Variants in DTD1 observed in about 807,000 individuals in gnomAD.
DTD1 encodes the protein D-aminoacyl-tRNA deacylase 1, also known as D-tyrosyl-tRNA deacylase 1 homolog.
A neutral mutation model predicts 25.6 loss-of-function variants in DTD1; 13 were observed. The observed-to-expected ratio is 0.51, with a 90% CI of 0.33 to 0.81. The LOEUF (loss-of-function observed/expected upper bound fraction) is 0.81. DTD1 is among the 30% of genes least tolerant of loss of function. The pLI is 0.02. For missense variants in DTD1, 193 were observed against 266.4 expected, an observed-to-expected ratio of 0.72 and a Z score of 1.92; for synonymous variants, 110 against 103.6, an observed-to-expected ratio of 1.06 and a Z score of -0.37.
intron 3 of DTD1, among the ~76,000 whole-genome samples, chr20:18,623,878 G>GTGTGTGTGTGTGTGTT (rs2060746159): frequency 1.5e-5 from 1 of 67,886 alleles, no homozygotes; most frequent in African/African-American, 4.3e-5. Flanking sequence ...GAAGAACTGT[G>GTGTGTGTGTGTGTGTT]TGTGTGTGTG....
At position 18,624,593 on chromosome 20, in the gene DTD1, T is replaced by A. The variant is rs143964848; in HGVS notation, c.371-3534T>A. Among the ~76,000 whole-genome samples the A allele has an allele frequency of 6.0e-3, 921 of 152,292 alleles. 7 individuals are homozygous for A. The highest frequency in any genetic ancestry group is 9.2e-3 in the Non-Finnish European group (624 of 68,020). On this transcript the variant is annotated intron_variant, in intron 3 of 5. Transcript: ENST00000377452. ...CTGTGTCTGAGATGTGTCATACAGG[T>A]GTCCTTGTAGGTCCTTTGGGGGGAC...
intron 3 of DTD1, among the ~76,000 whole-genome samples, chr20:18,617,207 C>T (rs966216355): frequency 4.0e-5 from 6 of 151,866 alleles, no homozygotes; most frequent in Non-Finnish European, 8.8e-5. Flanking sequence ...TTGTTACAAT[C>T]CAAGTAAGTA....
intron 4 of DTD1, among the ~76,000 whole-genome samples, chr20:18,657,171 A>G (rs537049668): frequency 5.3e-4 from 80 of 152,310 alleles, no homozygotes; most frequent in African/African-American, 1.9e-3. Flanking sequence ...CCCATCACCT[A>G]TGTGTGGTCT....
intron 5 of DTD1, among the ~76,000 whole-genome samples, chr20:18,763,135 A>G (rs1161276546): frequency 2.0e-5 from 3 of 152,208 alleles, no homozygotes; most frequent in African/African-American, 7.2e-5. Context: ...TGCTCTAAGA[A>G]TGGAGTTTTA....
At chr20:18,673,221 TG>T (rs762560234) in intron 4 of DTD1, among the ~76,000 whole-genome samples, 6 of 152,246 alleles carry the variant, frequency 3.9e-5, no homozygotes, top group African/African-American at 7.2e-5. Flanking sequence ...GTTGAAATTT[TG>T]AGGTTAATTA....
intron 4 of DTD1, among the ~76,000 whole-genome samples, chr20:18,684,307 G>A (rs1048589885): frequency 6.6e-6 from 1 of 151,428 alleles, no homozygotes; most frequent in African/African-American, 2.4e-5. Flanking sequence ...TTTTTCTTGA[G>A]ATGGAGTCTC....
chr20:18,698,343 C>G (rs760183409), intron 4 of DTD1: 6 of 152,174 alleles, frequency 3.9e-5, no homozygotes, highest in African/African-American at 1.2e-4. Context: ...TTTTGTCAAC[C>G]CTTTAACATC....
intron 4 of DTD1, among the ~76,000 whole-genome samples, chr20:18,658,777 G>A (rs2060899158): frequency 6.6e-6 from 1 of 152,194 alleles, no homozygotes; most frequent in Non-Finnish European, 1.5e-5. Flanking sequence ...CCCCATGTTA[G>A]CATCAAAGAA....
At chr20:18,693,275 C>T in intron 4 of DTD1, among the ~76,000 whole-genome samples, 1 of 152,172 alleles carries the variant, frequency 6.6e-6, no homozygotes, top group East Asian at 1.9e-4. Context: ...AGGGAGGGAA[C>T]ATTTGTTTAT....
chr20:18,599,491 A>G (rs377295584), intron 3 of DTD1, among the ~76,000 whole-genome samples: 14 of 152,320 alleles, frequency 9.2e-5, no homozygotes, highest in African/African-American at 3.4e-4. Flanking sequence ...CTGTGTTTAT[A>G]GCAGGTTTTG....
At chr20:18,711,908 C>G (rs1019255338) in intron 4 of DTD1, among the ~76,000 whole-genome samples, 1 of 72,224 alleles carries the variant, frequency 1.4e-5, no homozygotes, top group African/African-American at 5.3e-5. Flanking sequence ...GCCAGGAGGC[C>G]GGGGTGGGGG....
intron 4 of DTD1, among the ~76,000 whole-genome samples, chr20:18,660,790 A>G (rs993903306): frequency 1.3e-5 from 2 of 152,212 alleles, no homozygotes; most frequent in African/African-American, 2.4e-5. Context: ...AATATTTGTA[A>G]TATTTTAAAT....
chr20:18,633,421 T>C (rs2122323679), intron 4 of DTD1, among the ~76,000 whole-genome samples: 1 of 152,338 alleles, frequency 6.6e-6, no homozygotes, highest in Admixed American at 6.5e-5. Flanking sequence ...CCTGTTGCTC[T>C]GATGGTGTAT....
intron 4 of DTD1, chr20:18,631,578 G>T (rs987097029): frequency 2.4e-5 from 24 of 985,272 alleles, no homozygotes; most frequent in Non-Finnish European, 2.9e-5. Flanking sequence ...GTCTGTAAAG[G>T]TTCTCACCGA....
At chr20:18,636,145 G>T (rs536176324) in intron 4 of DTD1, among the ~76,000 whole-genome samples, 15 of 151,982 alleles carry the variant, frequency 9.9e-5, no homozygotes, top group Non-Finnish European at 2.1e-4. Context: ...TCTCATTTGT[G>T]TGTGTGTTAA....
intron 4 of DTD1, 53 bp downstream of exon 4, chr20:18,628,286 CT>C: frequency 7.0e-7 from 1 of 1,434,500 alleles, no homozygotes; most frequent in Non-Finnish European, 9.8e-7. Flanking sequence ...TGTAACATCC[CT>C]TTAGTCCCTG....
intron 3 of DTD1, among the ~76,000 whole-genome samples, chr20:18,599,644 A>G (rs886300115): frequency 4.6e-5 from 7 of 152,254 alleles, no homozygotes; most frequent in Non-Finnish European, 2.9e-5. Context: ...ACCAGCAATG[A>G]ACGAGAGTTC....
At position 18,647,579 on chromosome 20, in the gene DTD1, A is replaced by G. The variant is rs371021018; in HGVS notation, c.477+19346A>G. Among the ~76,000 whole-genome samples the G allele has an allele frequency of 1.2e-4, 18 of 152,234 alleles. No individual in the cohort carries two copies. In the East Asian group the frequency reaches 3.3e-3, roughly 28 times the overall value. On this transcript the variant is annotated intron_variant, in intron 4 of 5. Transcript: ENST00000377452. ...ATGCCCAGAAGATCAGGACACGAGC[A>G]TGGAGGCTTGAACCTCCTGGGGAAT...
At chr20:18,759,905 C>A (rs1019219432) in intron 5 of DTD1, among the ~76,000 whole-genome samples, 1 of 152,188 alleles carries the variant, frequency 6.6e-6, no homozygotes, top group Admixed American at 6.5e-5. Context: ...TTCACATAGT[C>A]CCATATTTCT....
Sources: allele counts gnomAD v4.1 joint callset (sites outside exome capture counted in the v4.1 genomes callset), GRCh38; gene constraint gnomAD v4.1.1; transcripts MANE v1.5; gene names NCBI Gene and HGNC (gene_info 2026-07-23, HGNC 2026-07-21).